The following CFAP77 variants were observed in gnomAD, a reference collection of about 807,000 sequenced individuals.
CFAP77 encodes the protein cilia- and flagella-associated protein 77.
CFAP77 carries 25 observed loss-of-function variants against 31.1 expected under a neutral mutation model. The ratio of observed to expected loss-of-function variants is 0.80; its 90% CI spans 0.59 to 1.12. CFAP77 has a LOEUF of 1.12. Ranked by LOEUF, CFAP77 falls within the 50% of genes most tolerant of loss-of-function variation. CFAP77 has a pLI of 0.00. For missense variants in CFAP77, 377 were observed against 397.3 expected, an observed-to-expected ratio of 0.95 and a Z score of 0.44; for synonymous variants, 151 against 159.9, an observed-to-expected ratio of 0.94 and a Z score of 0.42.
intron 1 of CFAP77, among the ~76,000 whole-genome samples, chr9:132,440,151 C>A (rs1277735919): frequency 6.6e-6 from 1 of 151,810 alleles, no homozygotes; most frequent in Non-Finnish European, 1.5e-5. Flanking sequence ...GGCAACATTG[C>A]GAAGCCCCCT....
chr9:132,510,155 CCAT>C (rs1852009140), intron 3 of CFAP77, among the ~76,000 whole-genome samples: 1 of 152,210 alleles, frequency 6.6e-6, no homozygotes, highest in African/African-American at 2.4e-5. Context: ...GGCCCGAACC[CCAT>C]CCATCAGGAG....
At chr9:132,502,704 C>T (rs1032316944) in intron 3 of CFAP77, among the ~76,000 whole-genome samples, 6 of 152,286 alleles carry the variant, frequency 3.9e-5, no homozygotes, top group South Asian at 4.1e-4. Flanking sequence ...CTCATTCATC[C>T]GCTGATGTGC....
intron 3 of CFAP77, among the ~76,000 whole-genome samples, chr9:132,536,508 C>T (rs1852547284): frequency 6.7e-6 from 1 of 150,196 alleles, no homozygotes; most frequent in African/African-American, 2.4e-5. Context: ...ATTCTCCTGT[C>T]TCAGCCTCCC....
intron 1 of CFAP77, among the ~76,000 whole-genome samples, chr9:132,436,335 C>T (rs1038745876): frequency 1.3e-5 from 2 of 152,122 alleles, no homozygotes; most frequent in African/African-American, 2.4e-5. Context: ...TTCTCTCTTA[C>T]GAGGGCACTT....
intron 1 of CFAP77, among the ~76,000 whole-genome samples, chr9:132,459,734 A>ATGTGTGTGAG (rs374251352): frequency 1.2e-3 from 161 of 136,396 alleles, no homozygotes; most frequent in African/African-American, 4.7e-3. Flanking sequence ...GTATGTGTAT[A>ATGTGTGTGAG]TGTGTGTGAG....
At chr9:132,556,542 GA>G (rs1005451194) in intron 5 of CFAP77, among the ~76,000 whole-genome samples, 3 of 152,066 alleles carry the variant, frequency 2.0e-5, no homozygotes, top group African/African-American at 7.2e-5. Context: ...TTTGAAAGGT[GA>G]AAAGTCTGGA....
rs1183429881 is a variant in CFAP77 at position 132,480,748 on chromosome 9, C to T, written c.196-17947C>T. 6.6e-6 allele frequency among the ~76,000 whole-genome samples: 1 copy of T among 152,092 alleles called. No homozygotes were observed. The highest frequency in any genetic ancestry group is 1.5e-5 in the Non-Finnish European group (1 of 68,010). On this transcript the variant is annotated intron_variant, in intron 1 of 5. Coordinates refer to ENST00000393216, the MANE Select transcript of CFAP77 (RefSeq NM_001282957.2). This position sits in a 1 kb window ranked among gnomAD's most constrained non-coding sequence, Gnocchi z 5.8. ...CATTTCAGCTAGGAGTTAGCGGGGC[C>T]AGGCGCCGGTGAGGAGAGGGATGTG...
intron 3 of CFAP77, among the ~76,000 whole-genome samples, chr9:132,531,275 T>G (rs975037546): frequency 1.3e-5 from 2 of 152,182 alleles, no homozygotes; most frequent in African/African-American, 4.8e-5. Flanking sequence ...CTGTGCCAGT[T>G]CACACCAGAT....
intron 5 of CFAP77, among the ~76,000 whole-genome samples, chr9:132,568,710 G>C (rs1430257605): frequency 6.6e-6 from 1 of 152,154 alleles, no homozygotes; most frequent in Non-Finnish European, 1.5e-5. Context: ...CTTTGGAATA[G>C]ATTTTTTTTT....
intron 1 of CFAP77, among the ~76,000 whole-genome samples, chr9:132,434,763 G>C (rs1850474699): frequency 6.6e-6 from 1 of 152,180 alleles, no homozygotes. Flanking sequence ...AACCTGTAGG[G>C]GGGCAGAGGG....
At position 132,419,950 on chromosome 9, in the gene CFAP77, C is replaced by T. The variant is rs143039733; in HGVS notation, c.195+9484C>T. Among the ~76,000 whole-genome samples, 774 of 152,112 alleles carry T rather than the reference C, an allele frequency of 5.1e-3. 11 individuals carry two copies. The highest frequency in any genetic ancestry group is 0.018 in the African/African-American group (743 of 41,480). On this transcript the variant is annotated intron_variant, in intron 1 of 5. Transcript: ENST00000393216. ...CTGAGGCAGGAGGATTGCTTGAGCC[C>T]AGGAGTTCGAAACCAGCCTGGGCAA...
chr9:132,454,630 G>T (rs1417043043), intron 1 of CFAP77, among the ~76,000 whole-genome samples: 1 of 152,194 alleles, frequency 6.6e-6, no homozygotes, highest in African/African-American at 2.4e-5. Flanking sequence ...CCTTTTGAAT[G>T]GAACCACGTG....
intron 1 of CFAP77, among the ~76,000 whole-genome samples, chr9:132,464,374 G>T (rs562307245): frequency 6.6e-6 from 1 of 151,900 alleles, no homozygotes; most frequent in Non-Finnish European, 1.5e-5. Context: ...AAAAAAAACC[G>T]GACGAGGCAG....
At chr9:132,542,737 C>T (rs966053747) in intron 4 of CFAP77, among the ~76,000 whole-genome samples, 2 of 152,146 alleles carry the variant, frequency 1.3e-5, no homozygotes, top group African/African-American at 4.8e-5. Context: ...CCCACCCCCC[C>T]TCCCCCAGTC....
At chr9:132,483,646 C>G (rs74716560) in intron 1 of CFAP77, among the ~76,000 whole-genome samples, 2,762 of 130,016 alleles carry the variant, frequency 0.021, 73 homozygotes, top group African/African-American at 0.067. Flanking sequence ...AGACATGCTT[C>G]CCCAGCTCCC....
At chr9:132,444,245 G>T (rs1157231100) in intron 1 of CFAP77, among the ~76,000 whole-genome samples, 1 of 152,246 alleles carries the variant, frequency 6.6e-6, no homozygotes, top group Non-Finnish European at 1.5e-5. Context: ...TGAGGCTAAG[G>T]CGCTCAGATG....
intron 5 of CFAP77, among the ~76,000 whole-genome samples, chr9:132,551,358 G>A (rs1852817288): frequency 6.6e-6 from 1 of 151,800 alleles, no homozygotes; most frequent in Non-Finnish European, 1.5e-5. Context: ...GAGTGCAGTG[G>A]CACAATTTTG....
intron 3 of CFAP77, among the ~76,000 whole-genome samples, chr9:132,513,974 G>T (rs981992169): frequency 8.2e-6 from 1 of 122,658 alleles, no homozygotes; most frequent in Non-Finnish European, 1.8e-5. Context: ...TCTCCCTCCC[G>T]TGTCCCTGAC....
At chr9:132,470,074 A>G (rs1026612125) in intron 1 of CFAP77, among the ~76,000 whole-genome samples, 2 of 152,080 alleles carry the variant, frequency 1.3e-5, no homozygotes, top group African/African-American at 2.4e-5. Flanking sequence ...CCTGACCTCA[A>G]GTGATCTGCC....
Sources: allele counts gnomAD v4.1 joint callset (sites outside exome capture counted in the v4.1 genomes callset), GRCh38; gene constraint gnomAD v4.1.1; non-coding constraint Gnocchi (gnomAD v3.1); transcripts MANE v1.5; gene names NCBI Gene and HGNC (gene_info 2026-07-23, HGNC 2026-07-21).